The following ESR1 variants were observed in gnomAD, a reference collection of about 807,000 sequenced individuals.
ESR1 encodes estrogen receptor 1, also known as estrogen receptor.
Under a neutral mutation model 52.7 loss-of-function variants are expected in ESR1, and 12 were observed. That is an observed-to-expected ratio of 0.23 (90% confidence interval 0.15 to 0.37). The LOEUF (loss-of-function observed/expected upper bound fraction) is 0.37, where lower values mean the gene tolerates loss of function less well. Ranked by LOEUF, ESR1 falls within the 10% of genes least tolerant of loss-of-function variation. ESR1 has a pLI of 1.00. For missense variants in ESR1, 584 were observed against 779.7 expected (o/e 0.75, Z 2.99); for synonymous variants, 305 against 316.8 (o/e 0.96, Z 0.39).
chr6:151,713,624 G>A (rs558790204), intron 2 of ESR1, among the ~76,000 whole-genome samples: 7 of 152,174 alleles, frequency 4.6e-5, no homozygotes, highest in East Asian at 3.9e-4. Context: ...GTTTATTTGC[G>A]CAGAGGTGTT....
chr6:152,011,820 AG>A (rs769033286), intron 5 of ESR1, 26 bp downstream of exon 5: 73 of 1,611,066 alleles, frequency 4.5e-5, no homozygotes, highest in Non-Finnish European at 6.0e-5. Context: ...GTAGCTTAGG[AG>A]TAGCATGTTC....
intron 3 of ESR1, among the ~76,000 whole-genome samples, chr6:151,895,957 T>G (rs1795429657): frequency 6.6e-6 from 1 of 152,058 alleles, no homozygotes; most frequent in Non-Finnish European, 1.5e-5. Context: ...ACCCAGCTAA[T>G]TTTTGTATTT....
chr6:151,763,380 A>T (rs2128099400), intron 2 of ESR1, among the ~76,000 whole-genome samples: 1 of 152,344 alleles, frequency 6.6e-6, no homozygotes, highest in East Asian at 1.9e-4. Context: ...CCACGTTGGA[A>T]AGAAATATGC....
intron 1 of ESR1, among the ~76,000 whole-genome samples, chr6:151,672,457 C>T (rs1414423649): frequency 6.6e-6 from 1 of 152,022 alleles, no homozygotes; most frequent in African/African-American, 2.4e-5. Flanking sequence ...CTGCCTCAGC[C>T]TCCTAGGTAG....
At chr6:151,776,162 G>A (rs1348241391) in intron 2 of ESR1, among the ~76,000 whole-genome samples, 1 of 152,198 alleles carries the variant, frequency 6.6e-6, no homozygotes, top group Non-Finnish European at 1.5e-5. Flanking sequence ...GAAAGCAGGA[G>A]TCAGAAACAT....
chr6:152,100,146 T>C lies in ESR1; in HGVS notation c.*1180T>C. 2.5e-6 allele frequency: 1 copy of C among 398,656 alleles called. No individual in the cohort carries two copies. The highest frequency in any genetic ancestry group is 4.4e-6 in the Non-Finnish European group (1 of 226,142). 24.7% of individuals were successfully genotyped at this position (398,656 alleles called of 1,614,324 possible). A position where few individuals can be genotyped will look rare whatever the true frequency, so the allele number is the denominator to read the frequency against. ...TTCCTTGCAGACCCCGCATTGCCCT[T>C]TGGGGGTGCCCTGGGATCCCTGGGG... On this transcript the variant is annotated 3_prime_UTR_variant, in exon 8 of 8. Transcript: ENST00000206249.
intron 4 of ESR1, among the ~76,000 whole-genome samples, chr6:151,972,059 T>C (rs2038968214): frequency 6.6e-6 from 1 of 151,892 alleles, no homozygotes; most frequent in Non-Finnish European, 1.5e-5. Flanking sequence ...TTAAAGGAGA[T>C]GGATAAATTC....
chr6:151,813,286 ATAAAG>A (rs1779103175), intron 1 of ESR1: 1 of 152,206 alleles, frequency 6.6e-6, no homozygotes, highest in African/African-American at 2.4e-5. Flanking sequence ...ATGTAGTTTA[ATAAAG>A]TAATAATTTC....
At chr6:151,885,561 A>G (rs1282452701) in intron 3 of ESR1, among the ~76,000 whole-genome samples, 1 of 152,248 alleles carries the variant, frequency 6.6e-6, no homozygotes, top group Non-Finnish European at 1.5e-5. Context: ...CAAATATGAA[A>G]TGGAGATAAA....
At chr6:152,028,151 A>G (rs2044321425) in intron 5 of ESR1, among the ~76,000 whole-genome samples, 1 of 152,172 alleles carries the variant, frequency 6.6e-6, no homozygotes, top group African/African-American at 2.4e-5. Context: ...CTCAAAAAAA[A>G]ATAAATAGGG....
chr6:152,125,369 C>G, exon 7 of ESR1: 6 of 1,548,402 alleles, frequency 3.9e-6, no homozygotes, highest in Non-Finnish European at 5.2e-6. Flanking sequence ...CATAAGGCCT[C>G]ACAGTATCCT....
intron 6 of ESR1, among the ~76,000 whole-genome samples, chr6:152,114,797 A>T (rs932757089): frequency 1.4e-5 from 2 of 144,030 alleles, no homozygotes; most frequent in Non-Finnish European, 3.0e-5. Flanking sequence ...AGGCTGAGGC[A>T]GGAGAATGGC....
chr6:151,782,790 A>C (rs1258820161), intron 2 of ESR1, among the ~76,000 whole-genome samples: 1 of 152,216 alleles, frequency 6.6e-6, no homozygotes, highest in Non-Finnish European at 1.5e-5. Flanking sequence ...ATGTGGAAAA[A>C]TGTTAAGTGT....
Position 151,725,672 on chromosome 6 carries a change from T to A in ESR1, c.-71+23667T>A, listed in dbSNP as rs529503975. On this transcript the variant is annotated intron_variant, in intron 2 of 2. Transcript: ENST00000404742. ...TTTTTATCCAGTAATTGTGGCAACATATTGCTTCCAAAACAAATCACATTT... is the reference window on the plus strand; with the variant it reads ...TTTTTATCCAGTAATTGTGGCAACAAATTGCTTCCAAAACAAATCACATTT... Among the ~76,000 whole-genome samples, 45 of 152,342 alleles carry A rather than the reference T, an allele frequency of 3.0e-4. No homozygotes were observed. In the South Asian group the frequency reaches 9.3e-3, roughly 32 times the overall value.
At chr6:151,658,049 A>G (rs1411478324) in intron 1 of ESR1, among the ~76,000 whole-genome samples, 1 of 152,178 alleles carries the variant, frequency 6.6e-6, no homozygotes, top group Admixed American at 6.6e-5. Flanking sequence ...ATTTATTTTT[A>G]TGCTATGCCT....
chr6:152,103,162 A>G lies in ESR1; in HGVS notation c.*4196A>G, dbSNP rs2152511530. ...TGTCGCAGCTTTGCTTTGTTTAATG[A>G]AACACACTTGTAAACCTCTTTTGCA... On this transcript the variant is annotated 3_prime_UTR_variant, in exon 8 of 8. Transcript: ENST00000206249. The G allele has an allele frequency of 4.8e-6, 1 of 206,328 alleles. No individual in the cohort carries two copies. The highest frequency in any genetic ancestry group is 7.4e-5 in the East Asian group (1 of 13,512). The allele number at this position is 206,328 out of a possible 1,614,324, so 12.8% of individuals were successfully genotyped here.
chr6:151,704,628 A>G (rs1347135908), intron 2 of ESR1, among the ~76,000 whole-genome samples: 1 of 152,194 alleles, frequency 6.6e-6, no homozygotes, highest in Non-Finnish European at 1.5e-5. Context: ...GTCTGGAGTC[A>G]GTGAGCTCAG....
intron 1 of ESR1, among the ~76,000 whole-genome samples, chr6:151,680,156 G>A (rs543469457): frequency 6.6e-6 from 1 of 151,902 alleles, no homozygotes; most frequent in South Asian, 2.1e-4. Context: ...TGGTTCTGGT[G>A]AGGGCCTCTT....
intron 2 of ESR1, among the ~76,000 whole-genome samples, chr6:151,765,025 A>C (rs995171457): frequency 1.3e-5 from 2 of 152,260 alleles, no homozygotes; most frequent in Admixed American, 1.3e-4. Flanking sequence ...AATCACATTA[A>C]AATTGTAAAA....
Sources: allele counts gnomAD v4.1 joint callset (sites outside exome capture counted in the v4.1 genomes callset), GRCh38; gene constraint gnomAD v4.1.1; transcripts MANE v1.5; gene names NCBI Gene and HGNC (gene_info 2026-07-23, HGNC 2026-07-21).